The following KHDRBS2 variants were observed in gnomAD, a reference collection of about 807,000 sequenced individuals.
KHDRBS2 encodes the protein KH RNA binding domain containing, signal transduction associated 2.
A neutral mutation model predicts 44.3 loss-of-function variants in KHDRBS2; 26 were observed. The ratio of observed to expected loss-of-function variants is 0.59; its 90% CI spans 0.43 to 0.81. KHDRBS2 has a LOEUF of 0.81. Ranked by LOEUF, KHDRBS2 falls within the 40% of genes least tolerant of loss-of-function variation. The pLI is 0.00. For missense variants in KHDRBS2, 476 were observed against 433.1 expected (o/e 1.10, Z -0.88); for synonymous variants, 194 against 151.1 (o/e 1.28, Z -2.08).
the KHDRBS2 span, among the ~76,000 whole-genome samples, chr6:61,548,523 G>A: frequency 6.6e-6 from 1 of 152,076 alleles, no homozygotes; most frequent in Admixed American, 6.6e-5. Flanking sequence ...CACTAGCAAG[G>A]CAAACTATTA....
At chr6:61,580,010 T>A in the KHDRBS2 span, among the ~76,000 whole-genome samples, 4 of 151,992 alleles carry the variant, frequency 2.6e-5, no homozygotes, top group Non-Finnish European at 5.9e-5. Context: ...TGAGCCCAGA[T>A]CAAGCCATCG....
intron 2 of KHDRBS2, among the ~76,000 whole-genome samples, chr6:62,101,906 T>G (rs1366762735): frequency 6.6e-6 from 1 of 152,306 alleles, no homozygotes; most frequent in Middle Eastern, 3.4e-3. Context: ...TAACATAACA[T>G]GGTCTTCTCA....
At chr6:62,065,894 T>C (rs1268028320) in intron 2 of KHDRBS2, among the ~76,000 whole-genome samples, 1 of 151,856 alleles carries the variant, frequency 6.6e-6, no homozygotes, top group Non-Finnish European at 1.5e-5. Context: ...ACAATTCATG[T>C]ACCATTCATT....
At chr6:62,131,637 T>C (rs376110093) in intron 2 of KHDRBS2, among the ~76,000 whole-genome samples, 57 of 152,312 alleles carry the variant, frequency 3.7e-4, no homozygotes, top group African/African-American at 1.3e-3. Flanking sequence ...CTCCCCTTAC[T>C]TTCCATTCTC....
In KHDRBS2 at chr6:61,739,027, G is replaced by C. The variant is rs111731026; in HGVS notation, c.811-6263C>G. On this transcript the variant is annotated intron_variant, in intron 6 of 8. Transcript: ENST00000281156. ...TGCCTCTCCAAAAAATTGTATGCAC[G>C]TGTGTCTATGCACATATACATACAA... Among the ~76,000 whole-genome samples the C allele has an allele frequency of 1.9e-3, 287 of 151,932 alleles. 1 individual carries two copies. The highest frequency in any genetic ancestry group is 3.2e-3 in the Non-Finnish European group (220 of 67,832).
At chr6:61,687,579 T>C (rs1157036812) in intron 8 of KHDRBS2, among the ~76,000 whole-genome samples, 1 of 151,956 alleles carries the variant, frequency 6.6e-6, no homozygotes, top group Non-Finnish European at 1.5e-5. Context: ...ATTACTATCC[T>C]GCCTTTTTCT....
intron 4 of KHDRBS2, among the ~76,000 whole-genome samples, chr6:61,911,709 T>TC (rs1486070323): frequency 6.6e-6 from 1 of 152,124 alleles, no homozygotes; most frequent in Admixed American, 6.6e-5. Flanking sequence ...CCTATATTTT[T>TC]CCCCAAATTA....
Position 61,713,581 on chromosome 6 carries a change from C to CT in KHDRBS2, c.894-16329dup, listed in dbSNP as rs77315449. Among the ~76,000 whole-genome samples the CT allele has an allele frequency of 4.4e-3, 637 of 144,328 alleles. 11 individuals carry two copies. The South Asian group carries it at 0.055, about 13-fold the overall frequency. 94.7% of individuals were successfully genotyped at this position (144,328 alleles called of 152,430 possible). ...AAGTCAGGTGATCTGATACCTTTAG[C>CT]TTTTTTTTTTTTTTCCCTTAGGATT... On this transcript the variant is annotated intron_variant, in intron 7 of 8. Coordinates refer to ENST00000281156, the MANE Select transcript of KHDRBS2 (RefSeq NM_152688.4).
At chr6:62,124,018 A>G (rs1808354540) in intron 2 of KHDRBS2, among the ~76,000 whole-genome samples, 1 of 152,196 alleles carries the variant, frequency 6.6e-6, no homozygotes, top group African/African-American at 2.4e-5. Context: ...TTCATTGTAT[A>G]TGTTTAAACT....
At chr6:61,618,800 A>G in the KHDRBS2 span, among the ~76,000 whole-genome samples, 6 of 152,214 alleles carry the variant, frequency 3.9e-5, no homozygotes, top group Admixed American at 6.5e-5. Flanking sequence ...AAAGGAAGCT[A>G]ATTAGCCTTT....
chr6:61,742,619 T>G (rs1776299648), intron 6 of KHDRBS2, among the ~76,000 whole-genome samples: 1 of 152,030 alleles, frequency 6.6e-6, no homozygotes, highest in South Asian at 2.1e-4. Flanking sequence ...ACTGAAAGCA[T>G]GACTAGATTG....
intron 6 of KHDRBS2, among the ~76,000 whole-genome samples, chr6:61,834,920 T>C (rs867730894): frequency 1.3e-4 from 19 of 151,876 alleles, no homozygotes; most frequent in African/African-American, 3.9e-4. Context: ...GGTTTGTTGA[T>C]AGAAATGTTA....
At chr6:61,698,764 T>C (rs1481463188) in intron 7 of KHDRBS2, among the ~76,000 whole-genome samples, 1 of 152,072 alleles carries the variant, frequency 6.6e-6, no homozygotes, top group Non-Finnish European at 1.5e-5. Context: ...CTCCTAGATG[T>C]TCTCTGAACA....
chr6:61,603,903 G>C, the KHDRBS2 span, among the ~76,000 whole-genome samples: 2 of 151,864 alleles, frequency 1.3e-5, no homozygotes, highest in African/African-American at 4.8e-5. Context: ...CTTCTTTCCT[G>C]TTTCTCACCC....
At chr6:61,547,596 T>C in the KHDRBS2 span, among the ~76,000 whole-genome samples, 1 of 152,110 alleles carries the variant, frequency 6.6e-6, no homozygotes, top group Non-Finnish European at 1.5e-5. Context: ...CTTTGTGCTT[T>C]GGTAGAGCAG....
chr6:61,697,839 G>T (rs1380345547), intron 7 of KHDRBS2, among the ~76,000 whole-genome samples: 1 of 152,030 alleles, frequency 6.6e-6, no homozygotes, highest in African/African-American at 2.4e-5. Context: ...GACTCACTCT[G>T]CTACCCCTTT....
At chr6:62,208,410 A>G (rs1828408215) in intron 1 of KHDRBS2, among the ~76,000 whole-genome samples, 1 of 152,138 alleles carries the variant, frequency 6.6e-6, no homozygotes, top group Admixed American at 6.6e-5. Flanking sequence ...CCTTTTTAAA[A>G]GTGAAAAACA....
intron 7 of KHDRBS2, among the ~76,000 whole-genome samples, chr6:61,703,253 C>T (rs1013697364): frequency 4.6e-5 from 7 of 151,578 alleles, no homozygotes; most frequent in African/African-American, 1.7e-4. Context: ...AAGTATACAG[C>T]CAACTTTTGC....
chr6:61,651,373 C>T, the KHDRBS2 span, among the ~76,000 whole-genome samples: 3 of 152,000 alleles, frequency 2.0e-5, no homozygotes, highest in South Asian at 2.1e-4. Context: ...GTTTTATGTA[C>T]ATCTTATATA....
Sources: gnomAD v4.1 joint callset for allele counts (sites outside exome capture counted in the v4.1 genomes callset) on GRCh38, gnomAD v4.1.1 for gene constraint, MANE v1.5 for transcripts, NCBI Gene and HGNC (gene_info 2026-07-23, HGNC 2026-07-21) for gene names.